Variants in CPEB3 observed in about 807,000 individuals in gnomAD.
CPEB3 encodes cytoplasmic polyadenylation element-binding protein 3.
A neutral mutation model predicts 67.2 loss-of-function variants in CPEB3; 20 were observed. The ratio of observed to expected loss-of-function variants is 0.30; its 90% CI spans 0.21 to 0.43. CPEB3 has a LOEUF of 0.43. Ranked by LOEUF, CPEB3 falls within the 20% of genes least tolerant of loss-of-function variation. CPEB3 has a pLI of 1.00. For missense variants in CPEB3, 746 were observed against 968.6 expected (o/e 0.77, Z 3.05); for synonymous variants, 376 against 393.1 (o/e 0.96, Z 0.51).
intron 9 of CPEB3, 26 bp downstream of exon 9, chr10:92,081,294 C>G (rs370510401): frequency 1.2e-6 from 2 of 1,613,420 alleles, no homozygotes; most frequent in Admixed American, 3.3e-5. Context: ...TCTCCCATAG[C>G]AGTTTCACCC....
At chr10:92,217,252 C>T (rs566325779) in intron 2 of CPEB3, among the ~76,000 whole-genome samples, 10,768 of 124,674 alleles carry the variant, frequency 0.086, 1,249 homozygotes, top group African/African-American at 0.26. Flanking sequence ...TATATATACA[C>T]ACACACACAC....
At chr10:92,108,305 T>C in intron 7 of CPEB3, among the ~76,000 whole-genome samples, 1 of 152,212 alleles carries the variant, frequency 6.6e-6, no homozygotes, top group Non-Finnish European at 1.5e-5. Context: ...AGGTTGACTT[T>C]GCCTTGAGCT....
chr10:92,109,084 C>A (rs1409154340), intron 7 of CPEB3, among the ~76,000 whole-genome samples: 2 of 152,164 alleles, frequency 1.3e-5, no homozygotes, highest in African/African-American at 4.8e-5. Flanking sequence ...GTACTACTAT[C>A]CCTCTGCCTT....
At chr10:92,161,482 A>T (rs1473517095) in intron 4 of CPEB3, among the ~76,000 whole-genome samples, 1 of 152,112 alleles carries the variant, frequency 6.6e-6, no homozygotes, top group Non-Finnish European at 1.5e-5. Context: ...CATGTTGGCC[A>T]GGCTGGTCTC....
At chr10:92,117,070 G>A (rs1000729710) in intron 6 of CPEB3, among the ~76,000 whole-genome samples, 1 of 152,086 alleles carries the variant, frequency 6.6e-6, no homozygotes, top group African/African-American at 2.4e-5. Flanking sequence ...TGTCGCCCAG[G>A]CTGGAGTGCA....
At chr10:92,187,977 C>G (rs959223160) in intron 3 of CPEB3, among the ~76,000 whole-genome samples, 42 of 152,092 alleles carry the variant, frequency 2.8e-4, no homozygotes, top group African/African-American at 9.7e-4. Context: ...GGAAGGATTG[C>G]TTGAGCTCAG....
chr10:92,287,819 A>C (rs1842603158), intron 1 of CPEB3, among the ~76,000 whole-genome samples: 1 of 152,152 alleles, frequency 6.6e-6, no homozygotes, highest in Non-Finnish European at 1.5e-5. Flanking sequence ...CCATTATCTA[A>C]TTCTAGAATA....
rs1253646931 is a variant in CPEB3 at position 92,291,024 on chromosome 10, C to CG, written c.-111dup. ...CTGGAGGAAGGAAACGGGAGGGCGCCGGCCAGACGGCGGCAGGCGCGGAGG... is the reference window on the plus strand; with the variant it reads ...CTGGAGGAAGGAAACGGGAGGGCGCCGGGCCAGACGGCGGCAGGCGCGGAGG... On this transcript the variant is annotated 5_prime_UTR_variant, in exon 1 of 10. Coordinates refer to ENST00000265997, the MANE Select transcript of CPEB3 (RefSeq NM_014912.5). The CG allele has an allele frequency of 5.9e-6, 1 of 169,786 alleles. No homozygotes were observed. The highest frequency in any genetic ancestry group is 6.4e-5 in the Admixed American group (1 of 15,526). The allele number at this position is 169,786 out of a possible 1,614,324, so 10.5% of individuals were successfully genotyped here. A position where few individuals can be genotyped will look rare whatever the true frequency, so the allele number is the denominator to read the frequency against.
intron 9 of CPEB3, among the ~76,000 whole-genome samples, chr10:92,069,649 C>A (rs1179962120): frequency 1.3e-5 from 2 of 152,220 alleles, no homozygotes; most frequent in Non-Finnish European, 2.9e-5. Flanking sequence ...AAATGATCCA[C>A]CCGCCTTGGC....
At chr10:92,288,812 A>T (rs1395810617) in intron 1 of CPEB3, among the ~76,000 whole-genome samples, 1 of 152,236 alleles carries the variant, frequency 6.6e-6, no homozygotes, top group Non-Finnish European at 1.5e-5. Flanking sequence ...TAGTGTACTT[A>T]ATCCATATGC....
intron 7 of CPEB3, among the ~76,000 whole-genome samples, chr10:92,102,160 G>T (rs1195379401): frequency 6.6e-6 from 1 of 152,216 alleles, no homozygotes; most frequent in Non-Finnish European, 1.5e-5. Context: ...AAGAGGAAGA[G>T]ATGCCTTCCC....
At chr10:92,212,454 G>T (rs1850146038) in intron 2 of CPEB3, among the ~76,000 whole-genome samples, 1 of 151,994 alleles carries the variant, frequency 6.6e-6, no homozygotes, top group South Asian at 2.1e-4. Context: ...TCACCATGTT[G>T]GCCAGGCTGG....
intron 3 of CPEB3, among the ~76,000 whole-genome samples, chr10:92,183,215 T>C (rs1018649640): frequency 2.0e-5 from 3 of 152,190 alleles, no homozygotes; most frequent in African/African-American, 7.2e-5. Context: ...TCATAAACGT[T>C]TTCATATTTA....
intron 9 of CPEB3, among the ~76,000 whole-genome samples, chr10:92,080,760 A>AT (rs926355481): frequency 5.0e-4 from 76 of 151,594 alleles, no homozygotes; most frequent in East Asian, 1.4e-3. Context: ...CTCCCAGCTA[A>AT]TTTTTTTTGT....
chr10:92,147,288 T>C (rs568746091), intron 4 of CPEB3, among the ~76,000 whole-genome samples: 3 of 152,092 alleles, frequency 2.0e-5, no homozygotes, highest in African/African-American at 7.2e-5. Context: ...AAACTCTGTC[T>C]CTACAAAAAA....
chr10:92,233,223 T>C (rs796208336), intron 2 of CPEB3, among the ~76,000 whole-genome samples: 8 of 152,068 alleles, frequency 5.3e-5, no homozygotes, highest in Admixed American at 2.0e-4. Context: ...CCTGAAAAGA[T>C]GGTCTTAAAA....
intron 2 of CPEB3, among the ~76,000 whole-genome samples, chr10:92,227,589 AT>A (rs1377304093): frequency 2.7e-5 from 4 of 148,112 alleles, no homozygotes; most frequent in South Asian, 2.1e-4. Context: ...TACTTATTTT[AT>A]TTTTTTCTTT....
At chr10:92,065,547 T>C (rs1265990845) in intron 9 of CPEB3, among the ~76,000 whole-genome samples, 2 of 152,164 alleles carry the variant, frequency 1.3e-5, no homozygotes, top group Admixed American at 1.3e-4. Flanking sequence ...ATGAGTATTA[T>C]TTCTGACCGA....
chr10:92,098,400 C>A (rs1020792812), intron 7 of CPEB3, among the ~76,000 whole-genome samples: 4 of 151,916 alleles, frequency 2.6e-5, no homozygotes, highest in Non-Finnish European at 5.9e-5. Context: ...CCTCTGCCTC[C>A]CAGGTTCAAG....
Sources: allele counts gnomAD v4.1 joint callset (sites outside exome capture counted in the v4.1 genomes callset), GRCh38; gene constraint gnomAD v4.1.1; transcripts MANE v1.5; gene names NCBI Gene and HGNC (gene_info 2026-07-23, HGNC 2026-07-21).